Variants in SHISA6 observed in about 807,000 individuals in gnomAD.
The protein encoded by SHISA6 is shisa family member 6, also known as protein shisa-6.
In SHISA6, 22 loss-of-function variants were observed where a neutral mutation model predicts 47.9. That is an observed-to-expected ratio of 0.46 (90% CI 0.33 to 0.66). The LOEUF is 0.66. Ranked by LOEUF, SHISA6 falls within the 30% of genes least tolerant of loss-of-function variation. The probability of loss-of-function intolerance (pLI) is 0.02; values close to 1 mark genes in which losing one functional copy is unlikely to be tolerated. For missense variants in SHISA6, 680 were observed against 764.6 expected (o/e 0.89, Z 1.30); for synonymous variants, 388 against 337.8 (o/e 1.15, Z -1.63).
At chr17:11,341,880 T>A (rs1041400077) in intron 2 of SHISA6, among the ~76,000 whole-genome samples, 1 of 152,174 alleles carries the variant, frequency 6.6e-6, no homozygotes, top group Admixed American at 6.5e-5. Flanking sequence ...TAGCTACTGA[T>A]TAATTTTACA....
At chr17:11,360,652 G>A (rs1912238002) in intron 2 of SHISA6, among the ~76,000 whole-genome samples, 1 of 151,932 alleles carries the variant, frequency 6.6e-6, no homozygotes, top group Admixed American at 6.5e-5. Context: ...CAAGGGAAGG[G>A]AGAGCATTAG....
chr17:11,349,157 G>A (rs1911790525), intron 2 of SHISA6, among the ~76,000 whole-genome samples: 1 of 152,088 alleles, frequency 6.6e-6, no homozygotes, highest in African/African-American at 2.4e-5. Flanking sequence ...ATAAAATCTT[G>A]CCTGGCCATA....
intron 3 of SHISA6, among the ~76,000 whole-genome samples, chr17:11,493,596 C>T (rs1597549582): frequency 6.9e-6 from 1 of 143,944 alleles, no homozygotes; most frequent in Non-Finnish European, 1.6e-5. Context: ...CACACACACA[C>T]ATACACACAC....
chr17:11,359,128 T>C (rs746785931), intron 2 of SHISA6, among the ~76,000 whole-genome samples: 9 of 152,342 alleles, frequency 5.9e-5, no homozygotes, highest in African/African-American at 9.6e-5. Context: ...TTTTGACATA[T>C]AGGCTTCTAA....
intron 3 of SHISA6, among the ~76,000 whole-genome samples, chr17:11,523,819 G>A (rs983129284): frequency 1.3e-5 from 2 of 151,990 alleles, no homozygotes; most frequent in Admixed American, 6.6e-5. Context: ...CAGCCTGACC[G>A]ACATGGAGAA....
At chr17:11,423,843 T>TAA (rs5819317) in intron 3 of SHISA6, among the ~76,000 whole-genome samples, 12 of 151,504 alleles carry the variant, frequency 7.9e-5, no homozygotes, top group African/African-American at 1.2e-4. Context: ...AAGATCCTAT[T>TAA]AAAAAAAACA....
intron 2 of SHISA6, chr17:11,289,820 GCTCT>G (rs951392406): frequency 1.3e-5 from 2 of 151,894 alleles, no homozygotes; most frequent in Non-Finnish European, 2.9e-5. Flanking sequence ...GAGTGCTTGT[GCTCT>G]CTCTCTTATT....
chr17:11,361,774 G>C (rs574929239), intron 2 of SHISA6, among the ~76,000 whole-genome samples: 16 of 152,292 alleles, frequency 1.1e-4, no homozygotes, highest in African/African-American at 3.6e-4. Context: ...CATGTGCCAG[G>C]CACTGTGCTC....
chr17:11,475,094 C>T (rs1372180466), intron 3 of SHISA6, among the ~76,000 whole-genome samples: 1 of 152,082 alleles, frequency 6.6e-6, no homozygotes, highest in Non-Finnish European at 1.5e-5. Flanking sequence ...ATGTTTTTAA[C>T]TTAAATTTTA....
chr17:11,424,067 C>T (rs1298100584), intron 3 of SHISA6, among the ~76,000 whole-genome samples: 1 of 150,202 alleles, frequency 6.7e-6, no homozygotes, highest in East Asian at 2.0e-4. Flanking sequence ...GTGTAGATCC[C>T]ACATATATCT....
intron 3 of SHISA6, 119 bp downstream of exon 3, chr17:11,379,628 C>T (rs1912942964): frequency 1.5e-6 from 1 of 654,636 alleles, no homozygotes; most frequent in South Asian, 1.8e-5. Flanking sequence ...GGGGTGGTTC[C>T]ATGGCAGCTT....
At chr17:11,512,470 C>G (rs1314933098) in intron 3 of SHISA6, among the ~76,000 whole-genome samples, 1 of 152,184 alleles carries the variant, frequency 6.6e-6, no homozygotes, top group Admixed American at 6.5e-5. Context: ...CACTTTGTAA[C>G]TGTATGTTTA....
At chr17:11,434,064 C>CTTTT (rs1367652038) in intron 3 of SHISA6, among the ~76,000 whole-genome samples, 2 of 138,054 alleles carry the variant, frequency 1.4e-5, no homozygotes, top group African/African-American at 2.7e-5. Flanking sequence ...TTTTTTCTCT[C>CTTTT]TTTTTTTTTT....
chr17:11,272,017 A>C (rs1908688288), intron 2 of SHISA6, among the ~76,000 whole-genome samples: 2 of 151,258 alleles, frequency 1.3e-5, no homozygotes, highest in Non-Finnish European at 3.0e-5. Context: ...TTTGCAAAAC[A>C]CTTATCTACA....
chr17:11,355,227 C>G (rs904149963), intron 2 of SHISA6, among the ~76,000 whole-genome samples: 5 of 152,210 alleles, frequency 3.3e-5, no homozygotes, highest in African/African-American at 1.2e-4. Flanking sequence ...CCCGAAGTAA[C>G]TGAGCAGGGC....
chr17:11,562,633 T>G lies in SHISA6; in HGVS notation c.*4329T>G, dbSNP rs1360726703. On this transcript the variant is annotated 3_prime_UTR_variant, in exon 6 of 6. Transcript: ENST00000441885. Reference sequence around the variant, plus strand: ...AAGACACAGCTTCCAGCCCTGGCTTTGTCTCCGAGGGGGAGTCATGTTCCC... The same window carrying G: ...AAGACACAGCTTCCAGCCCTGGCTTGGTCTCCGAGGGGGAGTCATGTTCCC... 2 of 152,182 alleles carry G rather than the reference T, an allele frequency of 1.3e-5. No homozygotes were observed. The allele number at this position is 152,182 out of a possible 1,614,324, so 9.4% of individuals were successfully genotyped here.
intron 3 of SHISA6, among the ~76,000 whole-genome samples, chr17:11,408,508 A>G (rs1248772012): frequency 6.6e-6 from 1 of 152,244 alleles, no homozygotes; most frequent in Non-Finnish European, 1.5e-5. Flanking sequence ...TTCCTAATAT[A>G]TGACCGTACC....
In SHISA6 at chr17:11,254,218, G is replaced by A. The variant is rs1907922802; in HGVS notation, c.639-9148G>A. On this transcript the variant is annotated intron_variant, in intron 1 of 5. Transcript: ENST00000441885. ...CCTGGGAGCTGAGCTACAAGACAGAGTAATCCCAACTCTGTCACTTTCTGT... is the reference window on the plus strand; with the variant it reads ...CCTGGGAGCTGAGCTACAAGACAGAATAATCCCAACTCTGTCACTTTCTGT... Among the ~76,000 whole-genome samples, 4 of 152,208 alleles carry A rather than the reference G, an allele frequency of 2.6e-5. No homozygotes were observed. The South Asian group carries it at 8.3e-4, about 32-fold the overall frequency.
intron 3 of SHISA6, among the ~76,000 whole-genome samples, chr17:11,471,894 C>T (rs571501777): frequency 6.6e-6 from 1 of 152,228 alleles, no homozygotes; most frequent in Admixed American, 6.5e-5. Flanking sequence ...CCAACATCCC[C>T]CACTGTAGTG....
Sources: gnomAD v4.1 joint callset for allele counts (sites outside exome capture counted in the v4.1 genomes callset) on GRCh38, gnomAD v4.1.1 for gene constraint, MANE v1.5 for transcripts, NCBI Gene and HGNC (gene_info 2026-07-23, HGNC 2026-07-21) for gene names.